The following RIN3 variants were observed in gnomAD, a reference collection of about 807,000 sequenced individuals.
RIN3 encodes RAB5 interacting protein 3.
A neutral mutation model predicts 76.3 loss-of-function variants in RIN3; 54 were observed. That is an observed-to-expected ratio of 0.71 (90% CI 0.57 to 0.89). RIN3 has a LOEUF of 0.89. Among genes scored for constraint, RIN3 ranks in the 40% least tolerant of loss-of-function variants. The probability of loss-of-function intolerance (pLI) is 0.00; values close to 1 mark genes in which losing one functional copy is unlikely to be tolerated. For missense variants in RIN3, 1,256 were observed against 1,322.1 expected (o/e 0.95, Z 0.78); for synonymous variants, 576 against 564.0 (o/e 1.02, Z -0.30).
Position 92,615,491 on chromosome 14 carries a change from C to T in RIN3, c.440+12C>T, listed in dbSNP as rs368116535. On this transcript the variant is annotated intron_variant, in intron 4 of 9. Coordinates refer to ENST00000216487, the MANE Select transcript of RIN3 (RefSeq NM_024832.5). ...TACTGTGTCAGTAGGTGAGTAGACC[C>T]GGCCCTGCAGGAGGTTATCTGGTTG... 8.1e-6 allele frequency: 13 copies of T among 1,609,940 alleles called. No homozygotes were observed. The highest frequency in any genetic ancestry group is 1.1e-5 in the South Asian group (1 of 90,980).
At chr14:92,666,042 C>T (rs1888088957) in intron 7 of RIN3, among the ~76,000 whole-genome samples, 1 of 151,588 alleles carries the variant, frequency 6.6e-6, no homozygotes, top group African/African-American at 2.4e-5. Flanking sequence ...CCGCCTACCT[C>T]CACCACTGAC....
At chr14:92,522,463 T>G (rs1896627040) in intron 1 of RIN3, among the ~76,000 whole-genome samples, 1 of 152,214 alleles carries the variant, frequency 6.6e-6, no homozygotes, top group Non-Finnish European at 1.5e-5. Context: ...CGTGTTACCT[T>G]GTATTCTTTT....
intron 4 of RIN3, among the ~76,000 whole-genome samples, chr14:92,625,837 T>G (rs1305667395): frequency 1.3e-5 from 2 of 152,238 alleles, no homozygotes; most frequent in East Asian, 3.8e-4. Flanking sequence ...TTTCATTTTT[T>G]GTTTTTGCTT....
At chr14:92,565,243 A>G (rs986820373) in intron 2 of RIN3, among the ~76,000 whole-genome samples, 2 of 152,104 alleles carry the variant, frequency 1.3e-5, no homozygotes, top group Non-Finnish European at 2.9e-5. Flanking sequence ...GGAGCCATCC[A>G]TGAACACTGA....
Position 92,576,352 on chromosome 14 carries a change from G to A in RIN3, c.250-1008G>A, listed in dbSNP as rs965881663. ...GCGTGAGAAGGAGAAGCGAGTGTCC[G>A]TCAACATGCTGGCTCTGGGTGAGAC... is the stretch of plus-strand genomic sequence containing the variant. On this transcript the variant is annotated intron_variant, in intron 2 of 9. Transcript: ENST00000216487. 4.8e-5 allele frequency: 62 copies of A among 1,289,878 alleles called. No homozygotes were observed. The Middle Eastern group carries it at 1.3e-3, about 27-fold the overall frequency. 79.9% of individuals were successfully genotyped at this position (1,289,878 alleles called of 1,614,324 possible).
chr14:92,663,095 G>A (rs953274688), intron 7 of RIN3, among the ~76,000 whole-genome samples: 2 of 152,130 alleles, frequency 1.3e-5, no homozygotes, highest in African/African-American at 4.8e-5. Flanking sequence ...ACAGGTGTGA[G>A]CCACCACACC....
intron 2 of RIN3, among the ~76,000 whole-genome samples, chr14:92,561,415 T>C (rs1230851603): frequency 5.3e-5 from 8 of 151,790 alleles, no homozygotes. Context: ...GGGAACATAT[T>C]GGCCCATTTG....
Position 92,676,480 on chromosome 14 carries a change from C to T in RIN3, c.2341C>T (p.Pro781Ser). The T allele has an allele frequency of 6.2e-7, 1 of 1,613,962 alleles. No individual in the cohort carries two copies. The highest frequency in any genetic ancestry group is 8.5e-7 in the Non-Finnish European group (1 of 1,179,858). Residue 781 changes from proline (P) to serine (S), a missense_variant, in exon 8 of 10, where the codon CCC becomes TCC. Coordinates refer to ENST00000216487, the MANE Select transcript of RIN3 (RefSeq NM_024832.5). ...TGCCTCCTTCTTCTTCCCAGGGAAG[C>T]CCTATGGGGCGGATGACTTCCTGCC... The part of the protein sequence containing the change: ...DSMALGNPGK[P>S]YGADDFLPVL...
intron 1 of RIN3, among the ~76,000 whole-genome samples, chr14:92,549,393 G>A (rs370030668): frequency 2.2e-4 from 33 of 152,150 alleles, no homozygotes; most frequent in Admixed American, 2.0e-3. Context: ...GCCCAAAGCC[G>A]GAACCCTGTG....
intron 2 of RIN3, among the ~76,000 whole-genome samples, chr14:92,565,008 G>T (rs1159917084): frequency 6.6e-6 from 1 of 152,324 alleles, no homozygotes; most frequent in East Asian, 1.9e-4. Flanking sequence ...TGTTCTGTTT[G>T]TAGGAAACCC....
At chr14:92,628,072 G>A (rs887464230) in intron 4 of RIN3, among the ~76,000 whole-genome samples, 5 of 152,170 alleles carry the variant, frequency 3.3e-5, no homozygotes, top group African/African-American at 1.2e-4. Context: ...ATCAAAGGAG[G>A]CGAGGGTGGG....
intron 5 of RIN3, among the ~76,000 whole-genome samples, chr14:92,650,210 G>A (rs1490012737): frequency 6.6e-6 from 1 of 152,226 alleles, no homozygotes; most frequent in Non-Finnish European, 1.5e-5. Context: ...AAGTTCCTAT[G>A]AAGGAAGGCC....
intron 1 of RIN3, among the ~76,000 whole-genome samples, chr14:92,547,198 TTA>T (rs1897299589): frequency 1.7e-5 from 1 of 59,642 alleles, no homozygotes; most frequent in Non-Finnish European, 3.6e-5. Flanking sequence ...ATAAAATAAA[TTA>T]TCTTTATTTT....
intron 1 of RIN3, among the ~76,000 whole-genome samples, chr14:92,539,988 G>A (rs1281879774): frequency 6.6e-6 from 1 of 152,226 alleles, no homozygotes; most frequent in Non-Finnish European, 1.5e-5. Context: ...GCCTCCACAC[G>A]TTGGGGTCAG....
intron 7 of RIN3, among the ~76,000 whole-genome samples, chr14:92,672,574 G>C (rs755915674): frequency 3.3e-5 from 5 of 152,208 alleles, no homozygotes; most frequent in Admixed American, 2.0e-4. Flanking sequence ...CTGGCAGGGA[G>C]GGGAGACACT....
chr14:92,686,053 TA>T, intron 9 of RIN3: 1 of 152,232 alleles, frequency 6.6e-6, no homozygotes, highest in Non-Finnish European at 1.5e-5. Flanking sequence ...ACTGGGTGTG[TA>T]AAAAAGGGTG....
intron 2 of RIN3, among the ~76,000 whole-genome samples, chr14:92,567,350 C>G (rs181717758): frequency 2.6e-5 from 4 of 152,316 alleles, no homozygotes; most frequent in African/African-American, 9.6e-5. Flanking sequence ...TATGGCTCAG[C>G]AATTTGGGCT....
chr14:92,619,993 C>T lies in RIN3; in HGVS notation c.440+4514C>T, dbSNP rs147180909. 3.9e-3 allele frequency among the ~76,000 whole-genome samples: 592 copies of T among 152,150 alleles called. 6 individuals carry two copies. The highest frequency in any genetic ancestry group is 0.013 in the African/African-American group (540 of 41,526). On this transcript the variant is annotated intron_variant, in intron 4 of 9. Transcript: ENST00000216487. Reference sequence around the variant, plus strand: ...CATTTTGAAGACATTTGTGTTTTACCAATAAAACTGTCTTTATTTCCCAAA... The same window carrying T: ...CATTTTGAAGACATTTGTGTTTTACTAATAAAACTGTCTTTATTTCCCAAA...
intron 2 of RIN3, among the ~76,000 whole-genome samples, chr14:92,572,561 A>G (rs1898091405): frequency 6.6e-6 from 1 of 152,208 alleles, no homozygotes; most frequent in Admixed American, 6.5e-5. Context: ...ATTCCTGGTC[A>G]GGGAGGGGAC....
Sources: allele counts gnomAD v4.1 joint callset (sites outside exome capture counted in the v4.1 genomes callset), GRCh38; gene constraint gnomAD v4.1.1; transcripts MANE v1.5; gene names NCBI Gene and HGNC (gene_info 2026-07-23, HGNC 2026-07-21).